Variants in DNAJC10 observed in about 807,000 individuals in gnomAD.
The protein encoded by DNAJC10 is endoplasmic reticulum disulfide reductase DNAJC10.
Under a neutral mutation model 115.0 loss-of-function variants are expected in DNAJC10, and 101 were observed. That is an observed-to-expected ratio of 0.88 (90% confidence interval 0.75 to 1.04). The LOEUF is 1.04. Among genes scored for constraint, DNAJC10 ranks in the 50% least tolerant of loss-of-function variants. DNAJC10 has a pLI of 0.00. For missense variants in DNAJC10, 981 were observed against 928.8 expected (o/e 1.06, Z -0.73); for synonymous variants, 307 against 301.5 (o/e 1.02, Z -0.19).
At chr2:182,728,055 C>T (rs1163124496) in intron 5 of DNAJC10, among the ~76,000 whole-genome samples, 1 of 152,116 alleles carries the variant, frequency 6.6e-6, no homozygotes, top group Non-Finnish European at 1.5e-5. Context: ...ATTTAATCCC[C>T]GCAATCCTTA....
At chr2:182,728,204 C>G (rs1366785901) in intron 5 of DNAJC10, among the ~76,000 whole-genome samples, 2 of 152,106 alleles carry the variant, frequency 1.3e-5, no homozygotes, top group Non-Finnish European at 2.9e-5. Flanking sequence ...TTCTTTATTT[C>G]TCTCATGCAC....
In DNAJC10 at chr2:182,784,571, CT is replaced by C. The variant is rs1277811875; in HGVS notation, c.*7440del. ...TGTTTAAAACTAATTTGCCAGAGCT[CT>C]ACTGTGATAAGAATTTCTGACTAGA... is the stretch of plus-strand genomic sequence containing the variant. On this transcript the variant is annotated 3_prime_UTR_variant, in exon 24 of 24. Coordinates refer to ENST00000264065, the MANE Select transcript of DNAJC10 (RefSeq NM_018981.4). The C allele has an allele frequency of 6.6e-6, 1 of 152,072 alleles. No individual in the cohort carries two copies. Among genetic ancestry groups the C allele is most frequent in the Non-Finnish European group, 1.5e-5 (1 of 68,012 alleles). The allele number at this position is 152,072 out of a possible 1,614,324, so 9.4% of individuals were successfully genotyped here.
chr2:182,724,723 T>C (rs1211844456), intron 5 of DNAJC10, among the ~76,000 whole-genome samples: 3 of 152,194 alleles, frequency 2.0e-5, no homozygotes, highest in Non-Finnish European at 4.4e-5. Flanking sequence ...TGTAGTTGTA[T>C]AGTTTAGAAG....
Position 182,717,983 on chromosome 2 carries a change from T to C in DNAJC10, c.-104T>C. 1 of 739,752 alleles carries C rather than the reference T, an allele frequency of 1.4e-6. No individual in the cohort carries two copies. 45.8% of individuals were successfully genotyped at this position (739,752 alleles called of 1,614,324 possible). ...CAGATTTGTGATGCTTGATTCACCC[T>C]TGAAGTAATGTAGACAGAAGTTCTC... On this transcript the variant is annotated 5_prime_UTR_variant, in exon 3 of 24. Transcript: ENST00000264065.
At chr2:182,723,252 G>A (rs1002875828) in intron 5 of DNAJC10, among the ~76,000 whole-genome samples, 1 of 151,910 alleles carries the variant, frequency 6.6e-6, no homozygotes, top group Non-Finnish European at 1.5e-5. Context: ...CACCATGTTG[G>A]CCAGGCTGAT....
intron 14 of DNAJC10, among the ~76,000 whole-genome samples, chr2:182,744,277 A>G (rs767772512): frequency 5.9e-5 from 9 of 152,308 alleles, no homozygotes; most frequent in Non-Finnish European, 1.2e-4. Flanking sequence ...ACCAACTACC[A>G]TGCAGTTAAG....
rs1184089035 is a variant in DNAJC10 at position 182,782,435 on chromosome 2, A to C, written c.*5303A>C. On this transcript the variant is annotated 3_prime_UTR_variant, in exon 24 of 24. Coordinates refer to ENST00000264065, the MANE Select transcript of DNAJC10 (RefSeq NM_018981.4). ...TTTGGTTCCATATGAAATTTAAAGT[A>C]GTTTTTTCCAATTCTGTGAAGAAAG... 6.6e-6 allele frequency: 1 copy of C among 151,936 alleles called. No homozygotes were observed. Among genetic ancestry groups the C allele is most frequent in the Non-Finnish European group, 1.5e-5 (1 of 67,964 alleles). 9.4% of individuals were successfully genotyped at this position (151,936 alleles called of 1,614,324 possible).
chr2:182,777,956 T>C lies in DNAJC10; in HGVS notation c.*824T>C, dbSNP rs1173870770. The C allele has an allele frequency of 1.3e-5, 2 of 152,210 alleles. No homozygotes were observed. The highest frequency in any genetic ancestry group is 2.9e-5 in the Non-Finnish European group (2 of 68,022). The allele number at this position is 152,210 out of a possible 1,614,324, so 9.4% of individuals were successfully genotyped here. On this transcript the variant is annotated 3_prime_UTR_variant, in exon 24 of 24. Coordinates refer to ENST00000264065, the MANE Select transcript of DNAJC10 (RefSeq NM_018981.4). ...AATTATAGCAATTAACTGGGCATTG[T>C]AGAGTATCCTAAATATGTTATCAAG...
intron 8 of DNAJC10, 107 bp from the exon 9 acceptor site, chr2:182,730,923 G>A: frequency 1.5e-6 from 1 of 683,208 alleles, no homozygotes; most frequent in South Asian, 2.1e-5. Flanking sequence ...ACTCAGAGTG[G>A]ATTAGAAGAG....
chr2:182,777,242 A>T lies in DNAJC10; in HGVS notation c.*110A>T. 1.4e-6 allele frequency: 1 copy of T among 691,058 alleles called. No homozygotes were observed. Among genetic ancestry groups the T allele is most frequent in the Non-Finnish European group, 2.2e-6 (1 of 457,972 alleles). The allele number at this position is 691,058 out of a possible 1,614,324, so 42.8% of individuals were successfully genotyped here. On this transcript the variant is annotated 3_prime_UTR_variant, in exon 24 of 24. Coordinates refer to ENST00000264065, the MANE Select transcript of DNAJC10 (RefSeq NM_018981.4). The stretch of plus-strand genomic sequence containing the variant: ...TGGGAATGAATGAACATTATCTTAG[A>T]CTTGCAGTTGTACTGCCAGAATTAT...
chr2:182,786,811 T>G lies in DNAJC10; in HGVS notation c.*9679T>G, dbSNP rs1694954674. The G allele has an allele frequency of 6.6e-6, 1 of 152,214 alleles. No individual in the cohort carries two copies. Among genetic ancestry groups the G allele is most frequent in the South Asian group, 2.1e-4 (1 of 4,836 alleles). 9.4% of individuals were successfully genotyped at this position (152,214 alleles called of 1,614,324 possible). A position where few individuals can be genotyped will look rare whatever the true frequency, so the allele number is the denominator to read the frequency against. On this transcript the variant is annotated 3_prime_UTR_variant, in exon 24 of 24. Coordinates refer to ENST00000264065, the MANE Select transcript of DNAJC10 (RefSeq NM_018981.4). ...CGAATGTTTATATCCCCTCCTGCTC[T>G]CCCTAAAATTATGTTGAAATCCTAA...
At chr2:182,765,623 G>A (rs1694391314) in intron 22 of DNAJC10, among the ~76,000 whole-genome samples, 1 of 152,164 alleles carries the variant, frequency 6.6e-6, no homozygotes, top group Non-Finnish European at 1.5e-5. Flanking sequence ...GCTGTCCCCA[G>A]GTAGTGTTAG....
rs139852245 is a variant in DNAJC10 at position 182,758,201 on chromosome 2, T to A, written c.1943+376T>A. ...CTATTACAGAGAAGTAAACTGTGAT[T>A]CTCAGACCTTAGAATCCAAGGTCTA... On this transcript the variant is annotated intron_variant, in intron 19 of 23. Transcript: ENST00000264065. Among the ~76,000 whole-genome samples, 991 of 152,264 alleles carry A rather than the reference T, an allele frequency of 6.5e-3. 4 individuals are homozygous for A. The highest frequency in any genetic ancestry group is 9.7e-3 in the Admixed American group (149 of 15,294).
chr2:182,743,812 T>C, intron 14 of DNAJC10, 100 bp downstream of exon 14: 2 of 776,344 alleles, frequency 2.6e-6, no homozygotes, highest in Non-Finnish European at 4.2e-6. Context: ...GACATGCTTA[T>C]TGTAAATAAC....
chr2:182,791,565 G>A lies in DNAJC10; in HGVS notation c.*14433G>A, dbSNP rs1022530252. On this transcript the variant is annotated 3_prime_UTR_variant, in exon 24 of 24. Coordinates refer to ENST00000264065, the MANE Select transcript of DNAJC10 (RefSeq NM_018981.4). Reference sequence around the variant, plus strand: ...CAAAATATTGGTCAAAACTTTTTCAGTTTAATGAGTTTCAAGATATTCTTC... The same window carrying A: ...CAAAATATTGGTCAAAACTTTTTCAATTTAATGAGTTTCAAGATATTCTTC... The A allele has an allele frequency of 6.6e-6, 1 of 152,108 alleles. No individual in the cohort carries two copies. Among genetic ancestry groups the A allele is most frequent in the Non-Finnish European group, 1.5e-5 (1 of 67,990 alleles). 9.4% of individuals were successfully genotyped at this position (152,108 alleles called of 1,614,324 possible).
At chr2:182,754,872 T>C (rs1694117143) in intron 16 of DNAJC10, 131 bp from the exon 17 acceptor site, 5 of 1,318,770 alleles carry the variant, frequency 3.8e-6, no homozygotes, top group Non-Finnish European at 5.1e-6. Flanking sequence ...AGACTAAAAT[T>C]TTTGTCACCA....
chr2:182,752,576 A>G (rs574931297), intron 16 of DNAJC10: 9 of 943,382 alleles, frequency 9.5e-6, no homozygotes, highest in African/African-American at 8.9e-5. Flanking sequence ...AGTTAAAACA[A>G]TGAACAAGCC....
At chr2:182,769,461 G>C (rs911887449) in intron 22 of DNAJC10, among the ~76,000 whole-genome samples, 1 of 152,008 alleles carries the variant, frequency 6.6e-6, no homozygotes, top group Non-Finnish European at 1.5e-5. Context: ...AAGTGTTCCT[G>C]TTTCTCCACA....
chr2:182,751,132 T>G (rs74353320), intron 14 of DNAJC10, among the ~76,000 whole-genome samples: 5 of 121,608 alleles, frequency 4.1e-5, no homozygotes, highest in African/African-American at 1.8e-4. Context: ...GATTTTGACT[T>G]TTTTTTTTTT....
Sources: gnomAD v4.1 joint callset for allele counts (sites outside exome capture counted in the v4.1 genomes callset) on GRCh38, gnomAD v4.1.1 for gene constraint, MANE v1.5 for transcripts, NCBI Gene and HGNC (gene_info 2026-07-23, HGNC 2026-07-21) for gene names.